The following VRK2 variants were observed in gnomAD, a reference collection of about 807,000 sequenced individuals.
VRK2 encodes the protein serine/threonine-protein kinase VRK2.
A neutral mutation model predicts 57.6 loss-of-function variants in VRK2; 60 were observed. The ratio of observed to expected loss-of-function variants is 1.04; its 90% CI spans 0.85 to 1.29. The LOEUF (loss-of-function observed/expected upper bound fraction) is 1.29, where lower values mean the gene tolerates loss of function less well. Ranked by LOEUF, VRK2 falls within the 50% of genes most tolerant of loss-of-function variation. The pLI, the probability that VRK2 is intolerant of heterozygous loss-of-function variation, is 0.00. For missense variants in VRK2, 705 were observed against 588.1 expected (o/e 1.20, Z -2.06); for synonymous variants, 231 against 199.2 (o/e 1.16, Z -1.35).
At chr2:58,156,690 T>G (rs575993703) in intron 12 of VRK2, among the ~76,000 whole-genome samples, 1 of 152,300 alleles carries the variant, frequency 6.6e-6, no homozygotes, top group Admixed American at 6.5e-5. Context: ...ATACCCTGTA[T>G]TTTTCAGTTC....
intron 1 of VRK2, among the ~76,000 whole-genome samples, chr2:57,922,454 TTGTGTGTGTG>T (rs59731064): frequency 9.5e-5 from 14 of 147,064 alleles, no homozygotes; most frequent in African/African-American, 3.0e-4. Flanking sequence ...AGTTACCTTC[TTGTGTGTGTG>T]TGTGTGTGTG....
At chr2:58,126,293 G>GACT (rs1678334605) in intron 8 of VRK2, among the ~76,000 whole-genome samples, 1 of 152,094 alleles carries the variant, frequency 6.6e-6, no homozygotes, top group South Asian at 2.1e-4. Flanking sequence ...CCACTCAATA[G>GACT]AGACTGCTAT....
intron 12 of VRK2, among the ~76,000 whole-genome samples, chr2:58,158,114 T>TA (rs2104739389): frequency 6.6e-6 from 1 of 152,332 alleles, no homozygotes; most frequent in East Asian, 1.9e-4. Flanking sequence ...CTTCTATCCT[T>TA]ACCTAAGTGG....
chr2:57,949,600 A>T (rs983534725), intron 1 of VRK2, among the ~76,000 whole-genome samples: 2 of 152,100 alleles, frequency 1.3e-5, no homozygotes, highest in African/African-American at 4.8e-5. Flanking sequence ...CCCTCCTTGG[A>T]CTTCTCTGTT....
chr2:57,945,453 G>T (rs1300614578), intron 1 of VRK2, among the ~76,000 whole-genome samples: 2 of 152,070 alleles, frequency 1.3e-5, no homozygotes, highest in Non-Finnish European at 2.9e-5. Context: ...AAAATACAAA[G>T]CAGAGCATAA....
intron 1 of VRK2, among the ~76,000 whole-genome samples, chr2:57,958,813 G>A (rs527374500): frequency 5.3e-5 from 8 of 152,290 alleles, no homozygotes; most frequent in Admixed American, 5.2e-4. Context: ...TCAAGGGAAT[G>A]TGAATATCTC....
In VRK2 at chr2:57,952,737, G is replaced by T. The variant is rs190688654; in HGVS notation, c.-439+44898G>T. On this transcript the variant is annotated intron_variant, in intron 1 of 15. Transcript: ENST00000417641. ...CAGGTGTTATCTTTACTACAGATGA[G>T]GAAACTGAAAATGAAAAAAAAAAAA... Among the ~76,000 whole-genome samples, 6 of 148,738 alleles carry T rather than the reference G, an allele frequency of 4.0e-5. No individual in the cohort carries two copies. In the East Asian group the frequency reaches 9.8e-4, roughly 24 times the overall value.
intron 2 of VRK2, chr2:58,028,474 C>T (rs1270866372): frequency 6.6e-6 from 1 of 152,024 alleles, no homozygotes; most frequent in Non-Finnish European, 1.5e-5. Context: ...TGGGTATATA[C>T]CCAGTAATGG....
chr2:57,945,511 G>C (rs1297799782), intron 1 of VRK2, among the ~76,000 whole-genome samples: 1 of 152,116 alleles, frequency 6.6e-6, no homozygotes. Flanking sequence ...TGTAAAGTTT[G>C]CTGAGAAATA....
chr2:58,005,842 A>G (rs139100767), intron 1 of VRK2, among the ~76,000 whole-genome samples: 1 of 152,190 alleles, frequency 6.6e-6, no homozygotes, highest in Non-Finnish European at 1.5e-5. Flanking sequence ...TGACAGTAGA[A>G]GAGACCTCCC....
chr2:57,971,673 T>C (rs1385833453), intron 1 of VRK2, among the ~76,000 whole-genome samples: 3 of 151,900 alleles, frequency 2.0e-5, no homozygotes, highest in Admixed American at 6.6e-5. Flanking sequence ...GTGATGATAG[T>C]ATCCATTTAT....
intron 1 of VRK2, among the ~76,000 whole-genome samples, chr2:57,960,203 C>A (rs989311985): frequency 1.3e-5 from 2 of 151,870 alleles, no homozygotes; most frequent in Non-Finnish European, 2.9e-5. Flanking sequence ...ATCATACAAC[C>A]AAAAAGAGTG....
intron 7 of VRK2, among the ~76,000 whole-genome samples, chr2:58,116,722 T>C (rs987318939): frequency 6.6e-5 from 10 of 152,166 alleles, no homozygotes; most frequent in African/African-American, 1.9e-4. Context: ...TCAGAGAGCC[T>C]TGGGCCAGAG....
chr2:57,972,711 G>A (rs905580643), intron 1 of VRK2, among the ~76,000 whole-genome samples: 7 of 151,676 alleles, frequency 4.6e-5, no homozygotes, highest in African/African-American at 1.2e-4. Context: ...ATAAAGAAAC[G>A]AAACATATAA....
chr2:58,092,886 TC>T (rs1459413399), intron 7 of VRK2, among the ~76,000 whole-genome samples: 2 of 152,196 alleles, frequency 1.3e-5, no homozygotes, highest in Non-Finnish European at 2.9e-5. Flanking sequence ...ATTGTTCAAT[TC>T]CCACCTATGA....
At chr2:58,017,846 T>C (rs1673632697) in intron 1 of VRK2, among the ~76,000 whole-genome samples, 1 of 152,194 alleles carries the variant, frequency 6.6e-6, no homozygotes, top group Admixed American at 6.5e-5. Context: ...TAAATCTCTG[T>C]TAAGCAAACA....
intron 3 of VRK2, among the ~76,000 whole-genome samples, chr2:58,040,059 A>T (rs1177078928): frequency 6.6e-6 from 1 of 151,950 alleles, no homozygotes; most frequent in African/African-American, 2.4e-5. Flanking sequence ...ATACAGGCAC[A>T]CACTACCACA....
chr2:58,151,307 G>GTCC (rs1235029383), intron 12 of VRK2, among the ~76,000 whole-genome samples: 5 of 151,640 alleles, frequency 3.3e-5, no homozygotes, highest in Non-Finnish European at 7.4e-5. Context: ...TTGGTTAACT[G>GTCC]TCCTGTTCAT....
At position 58,146,386 on chromosome 2, in the gene VRK2, AC is replaced by A; in HGVS notation, c.1095del (p.His365GlnfsTer20). ...AATAGGTTAATCGAAAAAAAAGTCC[AC>A]AGTGAGAGAAGCGCTGAGTCCTGTG... Reference protein sequence around the residue: ...AHNRLIEKKVHSERSAESCAT... With the variant: ...AHNRLIEKKVXSERSAESCAT... On this transcript the variant is annotated frameshift_variant, in exon 12 of 13. Coordinates refer to ENST00000340157, the MANE Select transcript of VRK2 (RefSeq NM_006296.7). LOFTEE classifies it high-confidence loss of function. 1 of 1,611,864 alleles carries A rather than the reference AC, an allele frequency of 6.2e-7. No homozygotes were observed. Among genetic ancestry groups the A allele is most frequent in the Non-Finnish European group, 8.5e-7 (1 of 1,178,446 alleles).
Sources: gnomAD v4.1 joint callset for allele counts (sites outside exome capture counted in the v4.1 genomes callset) on GRCh38, gnomAD v4.1.1 for gene constraint, MANE v1.5 for transcripts, NCBI Gene and HGNC (gene_info 2026-07-23, HGNC 2026-07-21) for gene names.